The following DHH variants were observed in gnomAD, a reference collection of about 807,000 sequenced individuals.
DHH encodes the protein desert hedgehog signaling molecule, also known as desert hedgehog protein.
In DHH, 16 loss-of-function variants were observed where a neutral mutation model predicts 27.6. That is an observed-to-expected ratio of 0.58 (90% CI 0.39 to 0.88). The LOEUF (loss-of-function observed/expected upper bound fraction) is 0.88, where lower values mean the gene tolerates loss of function less well. DHH is among the 40% of genes least tolerant of loss of function. The probability of loss-of-function intolerance (pLI) is 0.00; values close to 1 mark genes in which losing one functional copy is unlikely to be tolerated. For synonymous variants in DHH, 289 were observed against 263.4 expected (o/e 1.10, Z -0.94); for missense variants, 436 against 563.1 (o/e 0.77, Z 2.28).
Position 49,088,583 on chromosome 12 carries a change from GCTTCCTCC to G in DHH, c.*1268_*1275del, listed in dbSNP as rs1939244329. On this transcript the variant is annotated 3_prime_UTR_variant, in exon 3 of 3. Transcript: ENST00000649637. The stretch of plus-strand genomic sequence containing the variant: ...GACACTTCCCTTCTGGAGCAGCCCA[GCTTCCTCC>G]AGAGCTTCCATTCCTAACTCAGGGG... 6.6e-6 allele frequency among the ~76,000 whole-genome samples: 1 copy of G among 152,166 alleles called. No homozygotes were observed. The highest frequency in any genetic ancestry group is 2.4e-5 in the African/African-American group (1 of 41,438).
Position 49,094,494 on chromosome 12 carries a change from G to C in DHH, c.19C>G (p.Leu7Val). MALLTN[L>V]LPLCCLALLA... ...AGTGCCAAGCAGCACAGGGGCAGTA[G>C]ATTGGTCAGGAGAGCCATGGATACA... Residue 7 changes from leucine (L) to valine (V), a missense_variant, in exon 1 of 3, where the codon CTA (leucine) becomes GTA (valine). Physicochemically the swap from Leu to Val is conservative, Grantham distance 32 (BLOSUM62 1). Coordinates refer to ENST00000649637, the MANE Select transcript of DHH (RefSeq NM_021044.4). 1 of 1,560,158 alleles carries C rather than the reference G, an allele frequency of 6.4e-7. No homozygotes were observed. The highest frequency in any genetic ancestry group is 1.2e-5 in the South Asian group (1 of 86,006).
rs1939269488 is a variant in DHH, at chr12:49,090,100, G to T, written c.950C>A (p.Ala317Glu). ...GAACACGCCCACGGCTTCCTCCCGC[G>T]CCACACGGGCCACGCGCGCTGGCCG... The part of the protein sequence containing the change: ...ALRPARVARV[A>E]REEAVGVFAP... The change falls in exon 3 of 3, where the codon GCG becomes GAG. Residue 317 changes from alanine to glutamate, a missense_variant. Transcript: ENST00000649637. This position sits in a 1 kb window ranked among gnomAD's most constrained non-coding sequence, Gnocchi z 5.2. 2.6e-6 allele frequency: 4 copies of T among 1,523,068 alleles called. No homozygotes were observed. The highest frequency in any genetic ancestry group is 2.6e-5 in the East Asian group (1 of 38,664). The allele number at this position is 1,523,068 out of a possible 1,614,324, so 94.3% of individuals were successfully genotyped here.
intron 1 of DHH, 80 bp downstream of exon 1, chr12:49,094,129 TG>T: frequency 6.7e-7 from 1 of 1,501,012 alleles, no homozygotes; most frequent in Non-Finnish European, 9.2e-7. Context: ...TAGGTGAAGC[TG>T]GACTCACCCA....
intron 1 of DHH, chr12:49,093,384 G>C (rs762508896): frequency 6.6e-6 from 1 of 152,034 alleles, no homozygotes; most frequent in African/African-American, 2.4e-5. Flanking sequence ...GCAAGACCCC[G>C]TCTCTACAAA....
In DHH at chr12:49,088,149, T is replaced by A. The variant is rs982576438; in HGVS notation, c.*1710A>T. On this transcript the variant is annotated 3_prime_UTR_variant, in exon 3 of 3. Coordinates refer to ENST00000649637, the MANE Select transcript of DHH (RefSeq NM_021044.4). ...GTCTGGGCTACTACAGGTATACTAG[T>A]AGGGCATCTGCAGCTTCCAGGAACC... is the stretch of plus-strand genomic sequence containing the variant. 3.3e-5 allele frequency among the ~76,000 whole-genome samples: 5 copies of A among 152,084 alleles called. No individual in the cohort carries two copies. The highest frequency in any genetic ancestry group is 9.7e-5 in the African/African-American group (4 of 41,396).
At position 49,094,591 on chromosome 12, in the gene DHH, C is replaced by G. The variant is rs1750670569; in HGVS notation, c.-79G>C. 4 of 1,477,828 alleles carry G rather than the reference C, an allele frequency of 2.7e-6. No homozygotes were observed. The Admixed American group carries it at 7.9e-5, about 29-fold the overall frequency. The allele number at this position is 1,477,828 out of a possible 1,614,324, so 91.5% of individuals were successfully genotyped here. ...TGTCAGTTAGGCATCTCCACAGGCA[C>G]CAGAGAGGGCAGCAGGCACAGCTGC... On this transcript the variant is annotated 5_prime_UTR_variant, in exon 1 of 3. Transcript: ENST00000649637.
In DHH at chr12:49,090,935, C is replaced by A. The variant is rs529819839; in HGVS notation, c.565+193G>T. On this transcript the variant is annotated intron_variant, in intron 2 of 2. Transcript: ENST00000649637. This position sits in a 1 kb window ranked among gnomAD's most constrained non-coding sequence, Gnocchi z 5.2. ...TAGGCTGATCTCGAACTCCTGACCT[C>A]AAGTGATCCGCCCTCCTTGGCCTCC... Among the ~76,000 whole-genome samples the A allele has an allele frequency of 6.6e-6, 1 of 152,300 alleles. No individual in the cohort carries two copies. The highest frequency in any genetic ancestry group is 2.1e-4 in the South Asian group (1 of 4,828).
At position 49,089,320 on chromosome 12, in the gene DHH, ACCCT is replaced by A. The variant is rs1184941671; in HGVS notation, c.*535_*538del. On this transcript the variant is annotated 3_prime_UTR_variant, in exon 3 of 3. Coordinates refer to ENST00000649637, the MANE Select transcript of DHH (RefSeq NM_021044.4). ...TGAAGGGAGGAAAAGGGTCCCAAAG[ACCCT>A]GCTGAGGAAGGAGGGGGAGCCGGAA... The A allele has an allele frequency of 6.5e-6, 1 of 152,698 alleles. No individual in the cohort carries two copies. Among genetic ancestry groups the A allele is most frequent in the East Asian group, 1.9e-4 (1 of 5,198 alleles). 9.5% of individuals were successfully genotyped at this position (152,698 alleles called of 1,614,324 possible).
rs560234989 is a variant in DHH, at chr12:49,091,743, G to A, written c.304-354C>T. On this transcript the variant is annotated intron_variant, in intron 1 of 2. Transcript: ENST00000649637. This position sits in a 1 kb window ranked among gnomAD's most constrained non-coding sequence, Gnocchi z 4.8. ...TGGAAGCGTGGTCAGGGAGGGCCTGGTTGCTCCCGGAGAGCCCCTGTTTGA... is the reference window on the plus strand; with the variant it reads ...TGGAAGCGTGGTCAGGGAGGGCCTGATTGCTCCCGGAGAGCCCCTGTTTGA... Among the ~76,000 whole-genome samples, 76 of 152,286 alleles carry A rather than the reference G, an allele frequency of 5.0e-4. No individual in the cohort carries two copies. The highest frequency in any genetic ancestry group is 1.8e-3 in the African/African-American group (74 of 41,566).
intron 1 of DHH, among the ~76,000 whole-genome samples, chr12:49,093,818 CCAGGCTT>C (rs1373231475): frequency 6.6e-6 from 1 of 152,130 alleles, no homozygotes; most frequent in Non-Finnish European, 1.5e-5. Flanking sequence ...AGGTCAGGAG[CCAGGCTT>C]CTGTCTGCTA....
At chr12:49,093,997 C>T (rs1939349352) in intron 1 of DHH, among the ~76,000 whole-genome samples, 1 of 152,192 alleles carries the variant, frequency 6.6e-6, no homozygotes, top group African/African-American at 2.4e-5. Context: ...TCAGTCCCTC[C>T]TCCCCTCCCC....
chr12:49,089,946 C>G lies in DHH; in HGVS notation c.1104G>C (p.Ala368=), dbSNP rs1338004115. Reference sequence around the variant, plus strand: ...GCTGGACGGCCCCGCCGGGGAGCAGCGCCCCTAGCGCGTGCAGCAGTCTCA... The same window carrying G: ...GCTGGACGGCCCCGCCGGGGAGCAGGGCCCCTAGCGCGTGCAGCAGTCTCA... ...APLRLLHALG[A]LLPGGAVQPT... is the part of the protein sequence containing the mutation. The change falls in exon 3 of 3, where the codon GCG becomes GCC. Residue 368 remains alanine (A), a synonymous_variant. Coordinates refer to ENST00000649637, the MANE Select transcript of DHH (RefSeq NM_021044.4). 1.9e-6 allele frequency: 3 copies of G among 1,579,170 alleles called. No individual in the cohort carries two copies. In the African/African-American group the frequency reaches 4.0e-5, roughly 21 times the overall value.
Position 49,090,107 on chromosome 12 carries a change from G to C in DHH, c.943C>G (p.Arg315Gly). ...CCCACGGCTTCCTCCCGCGCCACAC[G>C]GGCCACGCGCGCTGGCCGAAGCGCA... Reference protein sequence around the residue: ...GDALRPARVARVAREEAVGVF... With the variant: ...GDALRPARVAGVAREEAVGVF... Residue 315 changes from arginine to glycine, a missense_variant, in exon 3 of 3, where the codon CGT becomes GGT. Physicochemically the swap from Arg to Gly is moderately radical, Grantham distance 125. Coordinates refer to ENST00000649637, the MANE Select transcript of DHH (RefSeq NM_021044.4). This position sits in a 1 kb window ranked among gnomAD's most constrained non-coding sequence, Gnocchi z 5.2. The C allele has an allele frequency of 6.6e-7, 1 of 1,506,674 alleles. No individual in the cohort carries two copies. The highest frequency in any genetic ancestry group is 8.9e-7 in the Non-Finnish European group (1 of 1,128,720). 93.3% of individuals were successfully genotyped at this position (1,506,674 alleles called of 1,614,324 possible).
rs766244925 is a variant in DHH at position 49,091,332 on chromosome 12, C to T, written c.361G>A (p.Val121Met). Reference protein sequence around the residue: ...AIAVMNMWPGVRLRVTEGWDE... With the variant: ...AIAVMNMWPGMRLRVTEGWDE... Reference sequence around the variant, plus strand: ...CAGCCCTCAGTCACTCGTAGGCGCACTCCGGGCCACATGTTCATCACGGCA... The same window carrying T: ...CAGCCCTCAGTCACTCGTAGGCGCATTCCGGGCCACATGTTCATCACGGCA... Residue 121 changes from valine to methionine, a missense_variant, in exon 2 of 3, where the codon GTG (valine) becomes ATG (methionine). By Grantham distance (21) the Val-to-Met change is conservative (BLOSUM62 1). Coordinates refer to ENST00000649637, the MANE Select transcript of DHH (RefSeq NM_021044.4). This position sits in a 1 kb window ranked among gnomAD's most constrained non-coding sequence, Gnocchi z 4.8. The T allele has an allele frequency of 5.6e-6, 9 of 1,614,236 alleles. 1 individual carries two copies. The South Asian group carries it at 9.9e-5, about 18-fold the overall frequency.
intron 1 of DHH, 141 bp downstream of exon 1, chr12:49,094,069 C>G: frequency 1.1e-6 from 1 of 895,166 alleles, no homozygotes; most frequent in Non-Finnish European, 1.7e-6. Flanking sequence ...AAGGATTTTT[C>G]CCCCCCCTGG....
At chr12:49,093,502 C>T (rs767767690) in intron 1 of DHH, among the ~76,000 whole-genome samples, 2 of 152,114 alleles carry the variant, frequency 1.3e-5, no homozygotes, top group Non-Finnish European at 2.9e-5. Flanking sequence ...TATGTAATTC[C>T]AAGGAAAGCC....
Position 49,090,667 on chromosome 12 carries a change from C to CTATGTATGTATGTATG in DHH, c.566-199_566-184dup, listed in dbSNP as rs35343506. ...TTTCTTTTCCTTTTTCTTCTCTTTT[C>CTATGTATGTATGTATG]TATGTATGTATGTATGTATGTATGT... On this transcript the variant is annotated intron_variant, in intron 2 of 2. Transcript: ENST00000649637. This position sits in a 1 kb window ranked among gnomAD's most constrained non-coding sequence, Gnocchi z 5.2. 2.7e-5 allele frequency among the ~76,000 whole-genome samples: 4 copies of CTATGTATGTATGTATG among 145,562 alleles called. No individual in the cohort carries two copies. Among genetic ancestry groups the CTATGTATGTATGTATG allele is most frequent in the Non-Finnish European group, 4.5e-5 (3 of 66,252 alleles).
Position 49,090,134 on chromosome 12 carries a change from C to T in DHH, c.916G>A (p.Asp306Asn). ...GCCACGCGCGCTGGCCGAAGCGCAT[C>T]CCCGCCGGGCGCCAGCACCGAGTCC... ...AGDSVLAPGG[D>N]ALRPARVARV... is the part of the protein sequence containing the mutation. The change falls in exon 3 of 3, where the codon GAT (aspartate) becomes AAT (asparagine). Residue 306 changes from aspartate (D) to asparagine (N), a missense_variant. By Grantham distance (23) the Asp-to-Asn change is conservative. Transcript: ENST00000649637. The surrounding 1 kb of genome is among the most constrained non-coding windows in gnomAD (Gnocchi z 5.2). The T allele has an allele frequency of 1.3e-6, 2 of 1,508,700 alleles. No individual in the cohort carries two copies. Among genetic ancestry groups the T allele is most frequent in the East Asian group, 5.2e-5 (2 of 38,766 alleles). The allele number at this position is 1,508,700 out of a possible 1,614,324, so 93.5% of individuals were successfully genotyped here. A position where few individuals can be genotyped will look rare whatever the true frequency, so the allele number is the denominator to read the frequency against.
chr12:49,089,670 A>C lies in DHH; in HGVS notation c.*189T>G. The C allele has an allele frequency of 1.6e-6, 1 of 632,722 alleles. No individual in the cohort carries two copies. The highest frequency in any genetic ancestry group is 2.5e-6 in the Non-Finnish European group (1 of 404,748). 39.2% of individuals were successfully genotyped at this position (632,722 alleles called of 1,614,324 possible). ...TTAAGGAGTGCGCACCATCAGCCCT[A>C]CCTACCTAGGACCCGGTATCACCTC... On this transcript the variant is annotated 3_prime_UTR_variant, in exon 3 of 3. Transcript: ENST00000649637.
Sources: gnomAD v4.1 joint callset for allele counts (sites outside exome capture counted in the v4.1 genomes callset) on GRCh38, gnomAD v4.1.1 for gene constraint, Gnocchi (gnomAD v3.1) non-coding constraint, MANE v1.5 for transcripts, NCBI Gene and HGNC (gene_info 2026-07-23, HGNC 2026-07-21) for gene names.